The following NIPBL variants were observed in gnomAD, a reference collection of about 807,000 sequenced individuals.
The protein encoded by NIPBL is nipped-B-like protein.
Under a neutral mutation model 321.8 loss-of-function variants are expected in NIPBL, and 19 were observed. That is an observed-to-expected ratio of 0.06 (90% CI 0.04 to 0.09). The LOEUF is 0.09. Among genes scored for constraint, NIPBL ranks in the 10% least tolerant of loss-of-function variants. The pLI is 1.00. For missense variants in NIPBL, 2,210 were observed against 3,327.0 expected (o/e 0.66, Z 8.26); for synonymous variants, 1,106 against 1,114.1 (o/e 0.99, Z 0.14).
At chr5:36,993,117 A>T (rs1247922303) in intron 10 of NIPBL, among the ~76,000 whole-genome samples, 1 of 152,144 alleles carries the variant, frequency 6.6e-6, no homozygotes, top group African/African-American at 2.4e-5. Context: ...GGAAGAAAGG[A>T]TGTGGTTAAT....
intron 40 of NIPBL, among the ~76,000 whole-genome samples, chr5:37,050,248 T>C (rs1753391410): frequency 6.6e-6 from 1 of 152,038 alleles, no homozygotes; most frequent in African/African-American, 2.4e-5. Flanking sequence ...GCGGATCACT[T>C]GAGTCAGGAG....
rs544093795 is a variant in NIPBL, at chr5:36,890,949, T to G, written c.-80+13771T>G. On this transcript the variant is annotated intron_variant, in intron 1 of 46. Transcript: ENST00000282516. ...TTCCTATGTCTTTTCTCAGGAGCTA[T>G]TAAGGCATTGCAGATGGTGAAATAA... Among the ~76,000 whole-genome samples the G allele has an allele frequency of 1.7e-3, 262 of 152,242 alleles. 2 individuals are homozygous for G. Among genetic ancestry groups the G allele is most frequent in the Middle Eastern group, 0.01 (3 of 294 alleles).
At chr5:37,004,393 C>T (rs909241202) in intron 16 of NIPBL, among the ~76,000 whole-genome samples, 1 of 151,614 alleles carries the variant, frequency 6.6e-6, no homozygotes, top group Non-Finnish European at 1.5e-5. Context: ...AATTTTCTTT[C>T]TCTCCCTTTT....
In NIPBL at chr5:36,955,570, G is replaced by T; in HGVS notation, c.163G>T (p.Ala55Ser). The T allele has an allele frequency of 6.2e-7, 1 of 1,614,000 alleles. No individual in the cohort carries two copies. The highest frequency in any genetic ancestry group is 2.2e-5 in the East Asian group (1 of 44,854). The stretch of plus-strand genomic sequence containing the variant: ...AGCAGAAGAGGTGAACTGCCTTTTG[G>T]CTTGTAGGGATGACAATTTGGTTTC... The part of the protein sequence containing the change: ...RIAEEVNCLL[A>S]CRDDNLVSQL... Residue 55 changes from alanine (A) to serine (S), a missense_variant, in exon 3 of 47, where the codon GCT becomes TCT. Physicochemically the swap from Ala to Ser is moderately conservative, Grantham distance 99. Coordinates refer to ENST00000282516, the MANE Select transcript of NIPBL (RefSeq NM_133433.4).
At chr5:36,935,982 C>G (rs781250072) in intron 1 of NIPBL, among the ~76,000 whole-genome samples, 22 of 152,048 alleles carry the variant, frequency 1.4e-4, no homozygotes, top group Non-Finnish European at 8.8e-5. Flanking sequence ...TCTTGAGATC[C>G]TTTATTACAT....
intron 1 of NIPBL, among the ~76,000 whole-genome samples, chr5:36,938,631 A>G (rs1236922262): frequency 3.9e-5 from 6 of 152,200 alleles, no homozygotes; most frequent in African/African-American, 1.4e-4. Flanking sequence ...ATAAAAATCT[A>G]TACTAATGAA....
At chr5:36,879,678 CAG>C (rs1336558570) in intron 1 of NIPBL, among the ~76,000 whole-genome samples, 2 of 152,008 alleles carry the variant, frequency 1.3e-5, no homozygotes, top group Non-Finnish European at 2.9e-5. Flanking sequence ...AAGGAGAAAT[CAG>C]AAGTGTTCCA....
At chr5:37,064,414 G>A in intron 46 of NIPBL, 113 bp from the exon 47 acceptor site, 4 of 1,557,752 alleles carry the variant, frequency 2.6e-6, no homozygotes, top group Non-Finnish European at 3.5e-6. Flanking sequence ...ATGGAAGTGT[G>A]CCGGGAAATC....
chr5:37,060,012 G>A (rs74425245), intron 44 of NIPBL, among the ~76,000 whole-genome samples: 3,003 of 152,180 alleles, frequency 0.02, 81 homozygotes, highest in African/African-American at 0.062. Flanking sequence ...AATGTTAATA[G>A]GCTACCTGGT....
chr5:37,027,488 G>A, intron 32 of NIPBL, 76 bp downstream of exon 32: 4 of 907,598 alleles, frequency 4.4e-6, no homozygotes, highest in Non-Finnish European at 7.0e-6. Flanking sequence ...TTTTTTTTTT[G>A]GACTGTATGA....
intron 1 of NIPBL, among the ~76,000 whole-genome samples, chr5:36,940,161 A>T (rs1044264777): frequency 3.3e-5 from 5 of 152,182 alleles, no homozygotes; most frequent in African/African-American, 4.8e-5. Context: ...TAAAGCTATG[A>T]CTAATTCTGT....
In NIPBL at chr5:37,002,352, A is replaced by G. The variant is rs566752730; in HGVS notation, c.3665-310A>G. Among the ~76,000 whole-genome samples the G allele has an allele frequency of 4.1e-4, 62 of 152,342 alleles. 1 individual carries two copies. The highest frequency in any genetic ancestry group is 1.4e-3 in the African/African-American group (58 of 41,582). ...CAAACCCAAACAAAAGCCAGAGGGC[A>G]TGGGAGACTCTTGATGTAGTCCATT... On this transcript the variant is annotated intron_variant, in intron 14 of 46. Transcript: ENST00000282516.
intron 1 of NIPBL, among the ~76,000 whole-genome samples, chr5:36,938,854 G>T (rs1402794223): frequency 6.6e-6 from 1 of 152,102 alleles, no homozygotes; most frequent in Non-Finnish European, 1.5e-5. Flanking sequence ...TTAACCAGCT[G>T]GATATGTACT....
chr5:36,914,872 T>G lies in NIPBL; in HGVS notation c.-80+37694T>G, dbSNP rs556311770. Among the ~76,000 whole-genome samples the G allele has an allele frequency of 2.2e-3, 336 of 152,308 alleles. 2 individuals carry two copies. Among genetic ancestry groups the G allele is most frequent in the Middle Eastern group, 0.014 (4 of 294 alleles). On this transcript the variant is annotated intron_variant, in intron 1 of 46. Coordinates refer to ENST00000282516, the MANE Select transcript of NIPBL (RefSeq NM_133433.4). ...CAGAGTCTGTCACTTGGAGAGCTTG[T>G]AGAGTTTTGAGATTTTGCTTTGCCA...
At chr5:36,933,643 G>A (rs1749948351) in intron 1 of NIPBL, among the ~76,000 whole-genome samples, 1 of 151,962 alleles carries the variant, frequency 6.6e-6, no homozygotes, top group Non-Finnish European at 1.5e-5. Context: ...TTAAATCTAA[G>A]GCTGAGCAGA....
chr5:36,972,179 G>T lies in NIPBL; in HGVS notation c.868+138G>T, dbSNP rs539761067. 1.9e-5 allele frequency: 12 copies of T among 644,820 alleles called. No individual in the cohort carries two copies. The East Asian group carries it at 3.3e-4, about 18-fold the overall frequency. 39.9% of individuals were successfully genotyped at this position (644,820 alleles called of 1,614,324 possible). A position where few individuals can be genotyped will look rare whatever the true frequency, so the allele number is the denominator to read the frequency against. On this transcript the variant is annotated intron_variant, in intron 8 of 46. Transcript: ENST00000282516. The stretch of plus-strand genomic sequence containing the variant: ...TAGAAAAAAAAATAAACCTGTACAA[G>T]CAGGTCTGGATCATGGGATTTAAAT...
At chr5:36,961,339 A>G (rs940951716) in intron 4 of NIPBL, 145 bp from the exon 5 acceptor site, 1 of 636,840 alleles carries the variant, frequency 1.6e-6, no homozygotes, top group Non-Finnish European at 2.9e-6. Flanking sequence ...TTACAGTTTT[A>G]CAGCGTCTAT....
intron 1 of NIPBL, among the ~76,000 whole-genome samples, 182 bp from the exon 2 acceptor site, chr5:36,953,436 G>C (rs1334599150): frequency 6.6e-6 from 1 of 152,178 alleles, no homozygotes; most frequent in East Asian, 1.9e-4. Context: ...TGTGAGAACT[G>C]AATTAATGTG....
At chr5:37,017,848 C>T (rs1749167934) in intron 24 of NIPBL, among the ~76,000 whole-genome samples, 1 of 152,012 alleles carries the variant, frequency 6.6e-6, no homozygotes, top group Non-Finnish European at 1.5e-5. Context: ...AAAGAACTCC[C>T]ATAAAAGCTT....
Sources: gnomAD v4.1 joint callset for allele counts (sites outside exome capture counted in the v4.1 genomes callset) on GRCh38, gnomAD v4.1.1 for gene constraint, MANE v1.5 for transcripts, NCBI Gene and HGNC (gene_info 2026-07-23, HGNC 2026-07-21) for gene names.